The following SBF2 variants were observed in gnomAD, a reference collection of about 807,000 sequenced individuals.
SBF2 encodes myotubularin-related protein 13.
Under a neutral mutation model 225.2 loss-of-function variants are expected in SBF2, and 112 were observed. The observed-to-expected ratio is 0.50, with a 90% CI of 0.43 to 0.58. The LOEUF (loss-of-function observed/expected upper bound fraction) is 0.58, where lower values mean the gene tolerates loss of function less well. Among genes scored for constraint, SBF2 ranks in the 20% least tolerant of loss-of-function variants. SBF2 has a pLI of 0.00. For missense variants in SBF2, 1,996 were observed against 2,206.2 expected (o/e 0.90, Z 1.91); for synonymous variants, 763 against 773.3 (o/e 0.99, Z 0.22).
At chr11:10,129,048 T>C (rs1293383834) in intron 2 of SBF2, among the ~76,000 whole-genome samples, 2 of 151,614 alleles carry the variant, frequency 1.3e-5, no homozygotes, top group African/African-American at 2.4e-5. Flanking sequence ...ATTTTCTTGG[T>C]GATAAGAAGC....
intron 16 of SBF2, among the ~76,000 whole-genome samples, chr11:9,904,564 C>G (rs1017163677): frequency 1.1e-4 from 17 of 152,100 alleles, no homozygotes; most frequent in African/African-American, 3.9e-4. Context: ...AAAAATCAGT[C>G]ATCATATTGA....
chr11:10,003,228 T>C (rs1388875861), intron 6 of SBF2, among the ~76,000 whole-genome samples: 1 of 152,268 alleles, frequency 6.6e-6, no homozygotes, highest in African/African-American at 2.4e-5. Flanking sequence ...AGACTGTAAC[T>C]GAAATATTTT....
rs774519680 is a variant in SBF2 at position 10,193,891 on chromosome 11, C to A, written c.141+11G>T. ...ACATTATAAATATGCAATAATACAA[C>A]AACCACTTACCAACTCAATTCCCTG... On this transcript the variant is annotated intron_variant, in intron 2 of 39. Coordinates refer to ENST00000256190, the MANE Select transcript of SBF2 (RefSeq NM_030962.4). The A allele has an allele frequency of 3.2e-6, 5 of 1,578,604 alleles. No homozygotes were observed. Among genetic ancestry groups the A allele is most frequent in the Non-Finnish European group, 1.7e-6 (2 of 1,147,798 alleles).
chr11:10,053,518 G>A (rs1354707320), intron 2 of SBF2, among the ~76,000 whole-genome samples: 1 of 152,182 alleles, frequency 6.6e-6, no homozygotes, highest in African/African-American at 2.4e-5. Context: ...AGAAGCTTTA[G>A]GAGACTGAAG....
intron 2 of SBF2, among the ~76,000 whole-genome samples, chr11:10,134,885 C>A (rs1408757527): frequency 6.6e-6 from 1 of 152,204 alleles, no homozygotes; most frequent in Non-Finnish European, 1.5e-5. Flanking sequence ...ATCTGGAGGA[C>A]AGTGGCCCTC....
At chr11:9,941,720 T>G (rs1222196390) in intron 16 of SBF2, among the ~76,000 whole-genome samples, 1 of 152,140 alleles carries the variant, frequency 6.6e-6, no homozygotes, top group Non-Finnish European at 1.5e-5. Context: ...ATGATTAAAC[T>G]TTAAAAGAAA....
At chr11:10,085,441 T>C (rs2134886489) in intron 2 of SBF2, among the ~76,000 whole-genome samples, 1 of 152,296 alleles carries the variant, frequency 6.6e-6, no homozygotes, top group African/African-American at 2.4e-5. Flanking sequence ...TTTTATTTCA[T>C]GTACTAATTT....
intron 6 of SBF2, among the ~76,000 whole-genome samples, chr11:10,011,425 G>A (rs910935918): frequency 1.3e-5 from 2 of 152,156 alleles, no homozygotes; most frequent in Admixed American, 6.5e-5. Context: ...ATGGGGTTTC[G>A]CCATGTTGGT....
intron 2 of SBF2, among the ~76,000 whole-genome samples, chr11:10,131,694 G>A (rs1954062350): frequency 6.6e-6 from 1 of 152,122 alleles, no homozygotes; most frequent in African/African-American, 2.4e-5. Flanking sequence ...GCCCACCTCG[G>A]CCTCCCAAAG....
At chr11:10,068,835 T>C (rs1950734454) in intron 2 of SBF2, among the ~76,000 whole-genome samples, 2 of 152,184 alleles carry the variant, frequency 1.3e-5, no homozygotes, top group East Asian at 1.9e-4. Context: ...TGAAAATACA[T>C]ACTGATTATT....
At chr11:9,990,516 A>C (rs1262476242) in intron 12 of SBF2, among the ~76,000 whole-genome samples, 3 of 152,176 alleles carry the variant, frequency 2.0e-5, no homozygotes, top group Non-Finnish European at 4.4e-5. Flanking sequence ...GCAAACGGCC[A>C]AAGAGGGTAG....
At chr11:10,166,906 G>A (rs1955980839) in intron 2 of SBF2, among the ~76,000 whole-genome samples, 1 of 151,852 alleles carries the variant, frequency 6.6e-6, no homozygotes, top group Non-Finnish European at 1.5e-5. Context: ...AGGTTGCAGT[G>A]AGCCGAGATC....
intron 6 of SBF2, among the ~76,000 whole-genome samples, chr11:10,016,059 G>A (rs368563971): frequency 2.6e-5 from 4 of 152,072 alleles, no homozygotes; most frequent in Admixed American, 6.6e-5. Flanking sequence ...TTACAGGCAT[G>A]AGCCACCATG....
At chr11:9,980,698 C>T (rs1946917903) in intron 13 of SBF2, among the ~76,000 whole-genome samples, 1 of 151,994 alleles carries the variant, frequency 6.6e-6, no homozygotes, top group Non-Finnish European at 1.5e-5. Flanking sequence ...CCTGCCTCAG[C>T]CTCCGGAGTT....
chr11:10,015,971 C>T (rs567365950), intron 6 of SBF2, among the ~76,000 whole-genome samples: 1 of 152,054 alleles, frequency 6.6e-6, no homozygotes, highest in South Asian at 2.1e-4. Context: ...GAGATGGGGT[C>T]CCACCTTGTT....
intron 27 of SBF2, 197 bp from the exon 28 acceptor site, chr11:9,829,693 G>A: frequency 1.8e-6 from 1 of 555,034 alleles, no homozygotes; most frequent in East Asian, 3.2e-5. Flanking sequence ...CTGTAATGCT[G>A]GTTTTACCAC....
intron 3 of SBF2, among the ~76,000 whole-genome samples, chr11:10,039,536 A>C (rs965618906): frequency 6.6e-6 from 1 of 152,010 alleles, no homozygotes; most frequent in Non-Finnish European, 1.5e-5. Context: ...GATATGAAGC[A>C]GACTGTAACC....
chr11:9,944,582 T>C (rs1178487537), intron 16 of SBF2, among the ~76,000 whole-genome samples: 4 of 152,160 alleles, frequency 2.6e-5, no homozygotes, highest in Non-Finnish European at 5.9e-5. Flanking sequence ...GTGAAATACC[T>C]AGGAATACAG....
chr11:10,254,371 A>C (rs1297585898), intron 1 of SBF2, among the ~76,000 whole-genome samples: 1 of 150,298 alleles, frequency 6.7e-6, no homozygotes, highest in African/African-American at 2.5e-5. Flanking sequence ...ACAGAGCGAG[A>C]CCCTGTCTCA....
Sources: gnomAD v4.1 joint callset for allele counts (sites outside exome capture counted in the v4.1 genomes callset) on GRCh38, gnomAD v4.1.1 for gene constraint, MANE v1.5 for transcripts, NCBI Gene and HGNC (gene_info 2026-07-23, HGNC 2026-07-21) for gene names.